CP: variants seen among roughly 807,000 people sequenced by gnomAD.
CP encodes ceruloplasmin, also known as caeruloplasmin.
Under a neutral mutation model 122.4 loss-of-function variants are expected in CP, and 64 were observed. The observed-to-expected ratio is 0.52, with a 90% CI of 0.43 to 0.64. The LOEUF (loss-of-function observed/expected upper bound fraction) is 0.64. Ranked by LOEUF, CP falls within the 30% of genes least tolerant of loss-of-function variation. CP has a pLI of 0.00. For synonymous variants in CP, 440 were observed against 436.4 expected, an observed-to-expected ratio of 1.01 and a Z score of -0.10; for missense variants, 1,167 against 1,284.4, an observed-to-expected ratio of 0.91 and a Z score of 1.40.
intron 9 of CP, among the ~76,000 whole-genome samples, chr3:149,190,211 C>CA (rs566664782): frequency 6.6e-6 from 1 of 151,154 alleles, no homozygotes; most frequent in Admixed American, 6.6e-5. Flanking sequence ...TGGAGAGAAC[C>CA]AAAAAAATAC....
intron 5 of CP, among the ~76,000 whole-genome samples, chr3:149,163,151 CT>C (rs1231948050): frequency 6.6e-6 from 1 of 152,184 alleles, no homozygotes; most frequent in Non-Finnish European, 1.5e-5. Context: ...GAGAAAGGGA[CT>C]TCTTCCAGAA....
intron 9 of CP, among the ~76,000 whole-genome samples, chr3:149,195,491 A>G (rs1454727234): frequency 6.6e-6 from 1 of 152,236 alleles, no homozygotes; most frequent in Admixed American, 6.5e-5. Context: ...TCAGAGTAAT[A>G]TATACTATGC....
At chr3:149,212,926 G>A (rs567527847) in intron 1 of CP, among the ~76,000 whole-genome samples, 30 of 152,182 alleles carry the variant, frequency 2.0e-4, no homozygotes, top group East Asian at 3.8e-4. Context: ...AACCATCTGC[G>A]AAGGCATCAT....
chr3:149,213,004 G>A (rs1728215960), intron 1 of CP, among the ~76,000 whole-genome samples: 1 of 152,184 alleles, frequency 6.6e-6, no homozygotes, highest in South Asian at 2.1e-4. Context: ...GGCATATTAT[G>A]TAATGGAATA....
Position 149,221,787 on chromosome 3 carries a change from C to T in CP, c.6G>A (p.Lys2=). The T allele has an allele frequency of 6.2e-7, 1 of 1,611,624 alleles. No individual in the cohort carries two copies. The highest frequency in any genetic ancestry group is 8.5e-7 in the Non-Finnish European group (1 of 1,178,696). Residue 2 remains lysine, a synonymous_variant, in exon 1 of 19, where the codon AAG becomes AAA. Transcript: ENST00000264613. Reference sequence around the variant, plus strand: ...ACAGAAAAATACCAAGTATCAAAATCTTCATTTTTTTCCCCTTCTTGGAGC... The same window carrying T: ...ACAGAAAAATACCAAGTATCAAAATTTTCATTTTTTTCCCCTTCTTGGAGC... M[K]ILILGIFLFL...
Position 149,202,096 on chromosome 3 carries a change from A to G in CP, c.1348+6T>C, listed in dbSNP as rs368273503. On this transcript the variant is annotated splice_donor_region_variant and intron_variant, in intron 7 of 18. Transcript: ENST00000264613. ...AACCAGCCATATATATTCTGCAAGA[A>G]CTCACCCAGGATGCCAAGATGCTCT... 17 of 1,613,312 alleles carry G rather than the reference A, an allele frequency of 1.1e-5. No individual in the cohort carries two copies. The African/African-American group carries it at 2.3e-4, about 22-fold the overall frequency.
At position 149,212,148 on chromosome 3, in the gene CP, T is replaced by A. The variant is rs34230520; in HGVS notation, c.394+303A>T. ...CTCTACTAAAAATGCAAAAAAAAAA[T>A]AAAAATAAAAAAGTTTGCCAGGCAT... On this transcript the variant is annotated intron_variant, in intron 2 of 18. Coordinates refer to ENST00000264613, the MANE Select transcript of CP (RefSeq NM_000096.4). 1.1e-4 allele frequency among the ~76,000 whole-genome samples: 17 copies of A among 148,720 alleles called. 1 individual carries two copies. Among genetic ancestry groups the A allele is most frequent in the Middle Eastern group, 3.4e-3 (1 of 294 alleles).
intron 1 of CP, among the ~76,000 whole-genome samples, chr3:149,218,798 T>C (rs1728625103): frequency 6.6e-6 from 1 of 152,212 alleles, no homozygotes; most frequent in Admixed American, 6.5e-5. Flanking sequence ...TGCATATGCA[T>C]ATACTAGTAC....
intron 6 of CP, among the ~76,000 whole-genome samples, chr3:149,205,277 T>C (rs1727629717): frequency 6.6e-6 from 1 of 150,498 alleles, no homozygotes; most frequent in Non-Finnish European, 1.5e-5. Context: ...GCCTGTAAAA[T>C]GGTGCAGTTG....
chr3:149,179,415 A>T, intron 15 of CP, 141 bp downstream of exon 15: 1 of 697,044 alleles, frequency 1.4e-6, no homozygotes, highest in Non-Finnish European at 2.6e-6. Context: ...GTAGCAGCAT[A>T]GTTGCTAAAG....
At chr3:149,219,065 A>G (rs1728647049) in intron 1 of CP, among the ~76,000 whole-genome samples, 1 of 152,190 alleles carries the variant, frequency 6.6e-6, no homozygotes, top group South Asian at 2.1e-4. Context: ...CTATCTGCAC[A>G]CATCTATGCA....
chr3:149,215,571 C>T (rs1024071924), intron 1 of CP, among the ~76,000 whole-genome samples: 2 of 152,198 alleles, frequency 1.3e-5, no homozygotes, highest in Non-Finnish European at 2.9e-5. Context: ...ATATTTTACA[C>T]TGTGTGACAC....
chr3:149,201,127 T>A (rs1014214912), intron 7 of CP, among the ~76,000 whole-genome samples: 2 of 152,010 alleles, frequency 1.3e-5, no homozygotes, highest in Non-Finnish European at 2.9e-5. Flanking sequence ...ATTGATTGAT[T>A]GATTGATTGA....
intron 5 of CP, chr3:149,163,985 A>G (rs1452018208): frequency 5.9e-6 from 6 of 1,009,330 alleles, no homozygotes; most frequent in East Asian, 2.4e-5. Context: ...ATGAAATTGC[A>G]TATTACAATA....
intron 9 of CP, among the ~76,000 whole-genome samples, chr3:149,197,606 C>T (rs1257831713): frequency 6.6e-6 from 1 of 152,058 alleles, no homozygotes; most frequent in East Asian, 1.9e-4. Flanking sequence ...TTTTAGCGAT[C>T]CCCAACATTT....
chr3:149,175,069 C>G (rs1725327178), intron 18 of CP, among the ~76,000 whole-genome samples: 2 of 152,088 alleles, frequency 1.3e-5, no homozygotes, highest in African/African-American at 4.8e-5. Flanking sequence ...ACTCTGCATG[C>G]CAGGCATTTG....
In CP at chr3:149,206,272, C is replaced by G. The variant is rs142503847; in HGVS notation, c.1104G>C (p.Gly368=). The G allele has an allele frequency of 3.6e-4, 583 of 1,614,018 alleles. 3 individuals are homozygous for G. Among genetic ancestry groups the G allele is most frequent in the South Asian group, 2.3e-3 (212 of 91,074 alleles). ...NKSSSKDNIR[G]KHVRHYYIAA... Reference sequence around the variant, plus strand: ...CAATGTAGTAGTGTCTAACATGCTTCCCACGGATATTATCCTTTGATGAAG... The same window carrying G: ...CAATGTAGTAGTGTCTAACATGCTTGCCACGGATATTATCCTTTGATGAAG... Residue 368 remains glycine, a synonymous_variant, in exon 6 of 19, where the codon GGG becomes GGC. Transcript: ENST00000264613.
chr3:149,211,596 G>C (rs1201595575), intron 2 of CP, among the ~76,000 whole-genome samples: 2 of 152,168 alleles, frequency 1.3e-5, no homozygotes, highest in Non-Finnish European at 2.9e-5. Context: ...GACTTTTTCA[G>C]TTAATTGTGT....
At chr3:149,196,483 C>A (rs1407164700) in intron 9 of CP, among the ~76,000 whole-genome samples, 1 of 151,964 alleles carries the variant, frequency 6.6e-6, no homozygotes. Context: ...AAACAAAAAA[C>A]AAAAAACAGG....
Sources: gnomAD v4.1 joint callset for allele counts (sites outside exome capture counted in the v4.1 genomes callset) on GRCh38, gnomAD v4.1.1 for gene constraint, MANE v1.5 for transcripts, NCBI Gene and HGNC (gene_info 2026-07-23, HGNC 2026-07-21) for gene names.